FHOD3: variants seen among roughly 807,000 people sequenced by gnomAD.
FHOD3 encodes FH1/FH2 domain-containing protein 3.
A neutral mutation model predicts 173.0 loss-of-function variants in FHOD3; 90 were observed. That is an observed-to-expected ratio of 0.52 (90% CI 0.44 to 0.62). FHOD3 has a LOEUF of 0.62. Among genes scored for constraint, FHOD3 ranks in the 20% least tolerant of loss-of-function variants. The pLI is 0.00. For missense variants in FHOD3, 1,945 were observed against 2,034.7 expected, an observed-to-expected ratio of 0.96 and a Z score of 0.85; for synonymous variants, 828 against 823.0, an observed-to-expected ratio of 1.01 and a Z score of -0.10.
intron 26 of FHOD3, among the ~76,000 whole-genome samples, chr18:36,760,200 T>C (rs1051484550): frequency 2.0e-5 from 3 of 152,200 alleles, no homozygotes; most frequent in Non-Finnish European, 2.9e-5. Context: ...TGACACTAAG[T>C]AAAAAAATAA....
At chr18:36,428,778 G>T (rs1182889690) in intron 3 of FHOD3, among the ~76,000 whole-genome samples, 1 of 152,104 alleles carries the variant, frequency 6.6e-6, no homozygotes, top group East Asian at 1.9e-4. Context: ...CCAACTTCAG[G>T]ATATTTCTTC....
chr18:36,659,890 T>C (rs771461011), intron 14 of FHOD3, among the ~76,000 whole-genome samples: 1 of 152,188 alleles, frequency 6.6e-6, no homozygotes, highest in Non-Finnish European at 1.5e-5. Context: ...CCTGAAGGAC[T>C]CCTGTCTGTG....
At chr18:36,527,810 A>G (rs373937717) in intron 5 of FHOD3, among the ~76,000 whole-genome samples, 49 of 104,512 alleles carry the variant, frequency 4.7e-4, no homozygotes, top group African/African-American at 1.1e-3. Flanking sequence ...TGGAATATCT[A>G]TATTTGAGTG....
At chr18:36,515,014 G>T (rs756193227) in intron 5 of FHOD3, among the ~76,000 whole-genome samples, 1 of 152,208 alleles carries the variant, frequency 6.6e-6, no homozygotes, top group African/African-American at 2.4e-5. Flanking sequence ...AGCCTTTTCT[G>T]GTGAGCCACA....
chr18:36,464,663 G>A (rs2052795274), intron 3 of FHOD3, among the ~76,000 whole-genome samples: 1 of 152,162 alleles, frequency 6.6e-6, no homozygotes, highest in Admixed American at 6.5e-5. Flanking sequence ...AGAAAGAGAG[G>A]GAGTGCCAGA....
chr18:36,457,785 C>T (rs1309722668), intron 3 of FHOD3, among the ~76,000 whole-genome samples: 1 of 152,146 alleles, frequency 6.6e-6, no homozygotes, highest in Non-Finnish European at 1.5e-5. Flanking sequence ...TCACTTAGCT[C>T]AGGATGTCAC....
chr18:36,406,694 T>A (rs1568230260), intron 3 of FHOD3, among the ~76,000 whole-genome samples: 1 of 152,194 alleles, frequency 6.6e-6, no homozygotes, highest in African/African-American at 2.4e-5. Context: ...TATTGCGGAA[T>A]TTTGGAATTA....
chr18:36,464,053 G>A (rs2052756905), intron 3 of FHOD3, among the ~76,000 whole-genome samples: 1 of 152,150 alleles, frequency 6.6e-6, no homozygotes, highest in South Asian at 2.1e-4. Context: ...GATTAAATAG[G>A]AGAAAGCAAC....
intron 28 of FHOD3, among the ~76,000 whole-genome samples, chr18:36,776,131 C>T (rs1252278011): frequency 6.6e-6 from 1 of 151,782 alleles, no homozygotes; most frequent in African/African-American, 2.4e-5. Context: ...CCATTTCATA[C>T]CCTGCCAGCA....
intron 16 of FHOD3, 149 bp downstream of exon 16, chr18:36,687,327 A>C (rs1428429248): frequency 6.7e-6 from 4 of 598,168 alleles, no homozygotes; most frequent in Admixed American, 3.2e-5. Flanking sequence ...TGTACTAGTT[A>C]CCTAAATTTT....
intron 19 of FHOD3, among the ~76,000 whole-genome samples, chr18:36,728,113 T>C (rs1010497301): frequency 1.3e-5 from 2 of 152,174 alleles, no homozygotes; most frequent in Non-Finnish European, 2.9e-5. Context: ...AACCAAGTCA[T>C]GGGGCCAGCT....
intron 3 of FHOD3, among the ~76,000 whole-genome samples, chr18:36,489,161 C>T (rs1241803311): frequency 3.9e-5 from 6 of 152,162 alleles, no homozygotes; most frequent in Non-Finnish European, 8.8e-5. Flanking sequence ...AGGTGGACCT[C>T]ACACCCAACT....
intron 3 of FHOD3, among the ~76,000 whole-genome samples, chr18:36,415,850 C>T (rs1004321800): frequency 9.9e-5 from 15 of 152,042 alleles, no homozygotes; most frequent in Admixed American, 4.6e-4. Flanking sequence ...CTTTCCATGC[C>T]GCAGCAGCCC....
At chr18:36,670,551 A>T (rs1409063405) in intron 14 of FHOD3, among the ~76,000 whole-genome samples, 1 of 152,134 alleles carries the variant, frequency 6.6e-6, no homozygotes. Flanking sequence ...TACCTTTCAT[A>T]TTTTAACATG....
chr18:36,574,184 T>C (rs2058562309), intron 5 of FHOD3, among the ~76,000 whole-genome samples: 1 of 152,208 alleles, frequency 6.6e-6, no homozygotes, highest in African/African-American at 2.4e-5. Flanking sequence ...TAATTATAGT[T>C]CTAGATAGCC....
At chr18:36,561,427 C>A (rs2058077602) in intron 5 of FHOD3, among the ~76,000 whole-genome samples, 1 of 152,158 alleles carries the variant, frequency 6.6e-6, no homozygotes, top group Non-Finnish European at 1.5e-5. Flanking sequence ...CAAGGAACCA[C>A]CTCCCAGGAC....
At chr18:36,711,155 T>C (rs1223106705) in intron 18 of FHOD3, 3 of 152,238 alleles carry the variant, frequency 2.0e-5, no homozygotes, top group Non-Finnish European at 2.9e-5. Context: ...TTATGAGAGT[T>C]GGTCATGTTT....
chr18:36,645,997 G>C (rs2035656467), intron 10 of FHOD3, among the ~76,000 whole-genome samples: 1 of 152,090 alleles, frequency 6.6e-6, no homozygotes, highest in African/African-American at 2.4e-5. Flanking sequence ...ACTTTTCCCT[G>C]AGATTTGGAA....
rs535928427 is a variant in FHOD3, at chr18:36,407,040, G to A, written c.337+34296G>A. On this transcript the variant is annotated intron_variant, in intron 3 of 28. Transcript: ENST00000590592. ...TTAGTATACAGTGTAATCGCATCATGTGTCTGGACCAACTGATCAGTGGTA... is the reference window on the plus strand; with the variant it reads ...TTAGTATACAGTGTAATCGCATCATATGTCTGGACCAACTGATCAGTGGTA... Among the ~76,000 whole-genome samples, 80 of 152,338 alleles carry A rather than the reference G, an allele frequency of 5.3e-4. 1 individual carries two copies. The highest frequency in any genetic ancestry group is 1.8e-3 in the African/African-American group (76 of 41,572).
Sources: allele counts gnomAD v4.1 joint callset (sites outside exome capture counted in the v4.1 genomes callset), GRCh38; gene constraint gnomAD v4.1.1; transcripts MANE v1.5; gene names NCBI Gene and HGNC (gene_info 2026-07-23, HGNC 2026-07-21).